Variants in PHACTR2 observed in about 807,000 individuals in gnomAD.
PHACTR2 encodes phosphatase and actin regulator 2.
A neutral mutation model predicts 76.0 loss-of-function variants in PHACTR2; 30 were observed. The ratio of observed to expected loss-of-function variants is 0.39; its 90% CI spans 0.30 to 0.54. The LOEUF (loss-of-function observed/expected upper bound fraction) is 0.54. PHACTR2 is among the 20% of genes least tolerant of loss of function. PHACTR2 has a pLI of 0.61. For missense variants in PHACTR2, 696 were observed against 781.1 expected (o/e 0.89, Z 1.30); for synonymous variants, 292 against 292.5 (o/e 1.00, Z 0.02).
chr6:143,814,664 G>T (rs998935662), intron 12 of PHACTR2, among the ~76,000 whole-genome samples: 13 of 138,648 alleles, frequency 9.4e-5, no homozygotes, highest in Non-Finnish European at 2.1e-4. Context: ...GTGCAGTGGC[G>T]CCATCTCTGC....
intron 2 of PHACTR2, among the ~76,000 whole-genome samples, chr6:143,732,275 C>T (rs539178193): frequency 1.3e-5 from 2 of 152,204 alleles, no homozygotes; most frequent in Non-Finnish European, 2.9e-5. Context: ...AAATCCCATA[C>T]TCATTAGCAG....
Position 143,617,065 on chromosome 6 carries a change from G to A in PHACTR2, c.13+8743G>A, listed in dbSNP as rs546044890. Reference sequence around the variant, plus strand: ...TTGAAGGGTTTTACGAGACTGGGAAGAATGGACTGGAAAGAAGTAAGAGTG... The same window carrying A: ...TTGAAGGGTTTTACGAGACTGGGAAAAATGGACTGGAAAGAAGTAAGAGTG... On this transcript the variant is annotated intron_variant, in intron 1 of 11. Coordinates refer to the PHACTR2 transcript ENST00000305766. The surrounding 1 kb of genome is among the most constrained non-coding windows in gnomAD (Gnocchi z 4.8). Among the ~76,000 whole-genome samples the A allele has an allele frequency of 6.6e-6, 1 of 152,320 alleles. No homozygotes were observed. Among genetic ancestry groups the A allele is most frequent in the South Asian group, 2.1e-4 (1 of 4,830 alleles).
chr6:143,807,233 G>T lies in PHACTR2; in HGVS notation c.1922+100G>T. Reference sequence around the variant, plus strand: ...AATTGCTTACAATGGTAAATTTTATGATAGGTATATTTCATCACAATTAAA... The same window carrying T: ...AATTGCTTACAATGGTAAATTTTATTATAGGTATATTTCATCACAATTAAA... On this transcript the variant is annotated intron_variant, in intron 12 of 12. Coordinates refer to ENST00000440869, the MANE Select transcript of PHACTR2 (RefSeq NM_001100164.2). The surrounding 1 kb of genome is among the most constrained non-coding windows in gnomAD (Gnocchi z 5.5). The T allele has an allele frequency of 1.4e-6, 1 of 699,016 alleles. No homozygotes were observed. The highest frequency in any genetic ancestry group is 1.8e-5 in the African/African-American group (1 of 55,542). 43.3% of individuals were successfully genotyped at this position (699,016 alleles called of 1,614,324 possible). A position where few individuals can be genotyped will look rare whatever the true frequency, so the allele number is the denominator to read the frequency against.
In PHACTR2 at chr6:143,556,287, T is replaced by C. The variant is rs1403437749; in HGVS notation, c.217+19080T>C. The stretch of plus-strand genomic sequence containing the variant: ...TTATTTATTTCAGGACATTAAGGTA[T>C]GGACTTTAGGTGTGGGGCATCTCCA... On this transcript the variant is annotated intron_variant, in intron 1 of 11. Transcript: ENST00000367584. The surrounding 1 kb of genome is among the most constrained non-coding windows in gnomAD (Gnocchi z 4.3). Among the ~76,000 whole-genome samples the C allele has an allele frequency of 1.3e-5, 2 of 152,266 alleles. No individual in the cohort carries two copies. Among genetic ancestry groups the C allele is most frequent in the Admixed American group, 6.5e-5 (1 of 15,292 alleles).
At position 143,696,530 on chromosome 6, in the gene PHACTR2, C is replaced by T. The variant is rs1179609574; in HGVS notation, c.47-15486C>T. Among the ~76,000 whole-genome samples, 1 of 152,150 alleles carries T rather than the reference C, an allele frequency of 6.6e-6. No homozygotes were observed. Among genetic ancestry groups the T allele is most frequent in the Non-Finnish European group, 1.5e-5 (1 of 68,032 alleles). On this transcript the variant is annotated intron_variant, in intron 1 of 12. Coordinates refer to ENST00000440869, the MANE Select transcript of PHACTR2 (RefSeq NM_001100164.2). This position sits in a 1 kb window ranked among gnomAD's most constrained non-coding sequence, Gnocchi z 4.1. ...ACCCAAATCATGAATTGTATTACCC[C>T]ATTCTACAGATGAGGAAGGGACTCT... is the stretch of plus-strand genomic sequence containing the variant.
At position 143,760,212 on chromosome 6, in the gene PHACTR2, G is replaced by A. The variant is rs145731406; in HGVS notation, c.455-189G>A. On this transcript the variant is annotated intron_variant, in intron 4 of 12. Transcript: ENST00000440869. The surrounding 1 kb of genome is among the most constrained non-coding windows in gnomAD (Gnocchi z 6.4). Reference sequence around the variant, plus strand: ...TTAAAGGGTGATTCGTGTACCCTGAGAACACTTCTCAGTTTGTCTTTCAGC... The same window carrying A: ...TTAAAGGGTGATTCGTGTACCCTGAAAACACTTCTCAGTTTGTCTTTCAGC... Among the ~76,000 whole-genome samples, 878 of 152,220 alleles carry A rather than the reference G, an allele frequency of 5.8e-3. 10 individuals carry two copies. The highest frequency in any genetic ancestry group is 0.02 in the African/African-American group (839 of 41,516).
rs1422635760 is a variant in PHACTR2, at chr6:143,578,744, T to C, written c.217+41537T>C. Among the ~76,000 whole-genome samples the C allele has an allele frequency of 6.6e-6, 1 of 151,488 alleles. No homozygotes were observed. Among genetic ancestry groups the C allele is most frequent in the Admixed American group, 6.6e-5 (1 of 15,194 alleles). On this transcript the variant is annotated intron_variant, in intron 1 of 11. Transcript: ENST00000367584. This position sits in a 1 kb window ranked among gnomAD's most constrained non-coding sequence, Gnocchi z 4.5. Reference sequence around the variant, plus strand: ...ATGGAGAGGTAGATGATGAAGAAGATGAAGAAGACCTTGGTGAAGAAGAAA... The same window carrying C: ...ATGGAGAGGTAGATGATGAAGAAGACGAAGAAGACCTTGGTGAAGAAGAAA...
intron 1 of PHACTR2, among the ~76,000 whole-genome samples, chr6:143,690,194 C>T (rs551274658): frequency 6.6e-6 from 1 of 152,180 alleles, no homozygotes; most frequent in African/African-American, 2.4e-5. Flanking sequence ...ATGTATTTAA[C>T]GAATCGCTTC....
rs1018166357 is a variant in PHACTR2, at chr6:143,801,449, A to G, written c.1846-5608A>G. On this transcript the variant is annotated intron_variant, in intron 11 of 12. Coordinates refer to ENST00000440869, the MANE Select transcript of PHACTR2 (RefSeq NM_001100164.2). The surrounding 1 kb of genome is among the most constrained non-coding windows in gnomAD (Gnocchi z 4.6). ...CTTCTCACTTTATTTCATTAATTTG[A>G]TCTTCAATCACTGATATACTTTCTT... Among the ~76,000 whole-genome samples the G allele has an allele frequency of 6.6e-6, 1 of 152,012 alleles. No individual in the cohort carries two copies. Among genetic ancestry groups the G allele is most frequent in the Non-Finnish European group, 1.5e-5 (1 of 68,006 alleles).
rs1562298132 is a variant in PHACTR2, at chr6:143,765,237, T to A, written c.695-24T>A. On this transcript the variant is annotated intron_variant, in intron 5 of 12. Transcript: ENST00000440869. This position sits in a 1 kb window ranked among gnomAD's most constrained non-coding sequence, Gnocchi z 4.1. Reference sequence around the variant, plus strand: ...AAAAGCATTGTATTCTTTGATTTTTTAATGCAAGGTCTCTCTATTGTAGCT... The same window carrying A: ...AAAAGCATTGTATTCTTTGATTTTTAAATGCAAGGTCTCTCTATTGTAGCT... 2 of 1,560,906 alleles carry A rather than the reference T, an allele frequency of 1.3e-6. No homozygotes were observed. Among genetic ancestry groups the A allele is most frequent in the Non-Finnish European group, 1.7e-6 (2 of 1,151,820 alleles).
chr6:143,808,371 C>T (rs567434268), intron 12 of PHACTR2, among the ~76,000 whole-genome samples: 126 of 152,026 alleles, frequency 8.3e-4, no homozygotes, highest in Non-Finnish European at 1.6e-3. Flanking sequence ...TAGAGTGATC[C>T]GCCCACCTCA....
At chr6:143,714,296 T>G (rs761326258) in intron 2 of PHACTR2, among the ~76,000 whole-genome samples, 1 of 152,216 alleles carries the variant, frequency 6.6e-6, no homozygotes, top group Non-Finnish European at 1.5e-5. Flanking sequence ...CTTAAACTCC[T>G]GGGTTGGTAT....
At chr6:143,725,070 T>C (rs1400555657) in intron 2 of PHACTR2, among the ~76,000 whole-genome samples, 1 of 152,172 alleles carries the variant, frequency 6.6e-6, no homozygotes, top group Admixed American at 6.5e-5. Context: ...TTCCTCTTTG[T>C]TTTATATGTG....
rs1402620515 is a variant in PHACTR2 at position 143,554,475 on chromosome 6, GC to G, written c.217+17269del. ...TTATAGCCAAGGAGCAGTGTATCTT[GC>G]TCCTTGGCTATAAATTACAAGTGGG... On this transcript the variant is annotated intron_variant, in intron 1 of 11. Coordinates refer to the PHACTR2 transcript ENST00000367584. The surrounding 1 kb of genome is among the most constrained non-coding windows in gnomAD (Gnocchi z 5.9). 6.6e-6 allele frequency: 1 copy of G among 152,082 alleles called. No individual in the cohort carries two copies. The highest frequency in any genetic ancestry group is 1.5e-5 in the Non-Finnish European group (1 of 68,008). 9.4% of individuals were successfully genotyped at this position (152,082 alleles called of 1,614,324 possible). A position where few individuals can be genotyped will look rare whatever the true frequency, so the allele number is the denominator to read the frequency against.
At chr6:143,727,633 T>C (rs889378471) in intron 2 of PHACTR2, among the ~76,000 whole-genome samples, 1 of 152,248 alleles carries the variant, frequency 6.6e-6, no homozygotes, top group African/African-American at 2.4e-5. Context: ...TGTCATTTTT[T>C]GTCTTTTTGA....
chr6:143,608,122 C>G, upstream of PHACTR2: 1 of 642,394 alleles, frequency 1.6e-6, no homozygotes, highest in Non-Finnish European at 2.8e-6. The surrounding 1 kb of genome is among the most constrained non-coding windows in gnomAD (Gnocchi z 4.6). Flanking sequence ...TGTAATGGAG[C>G]TAATGGCTGT....
Position 143,599,095 on chromosome 6 carries a change from G to C in PHACTR2, c.217+61888G>C, listed in dbSNP as rs1775785887. 6.6e-6 allele frequency among the ~76,000 whole-genome samples: 1 copy of C among 152,134 alleles called. No homozygotes were observed. The highest frequency in any genetic ancestry group is 1.5e-5 in the Non-Finnish European group (1 of 68,026). On this transcript the variant is annotated intron_variant, in intron 1 of 11. Transcript: ENST00000367584. This position sits in a 1 kb window ranked among gnomAD's most constrained non-coding sequence, Gnocchi z 4.6. ...TCTGGGTACTCAGCGCTTTGCTCTA[G>C]GTGTCCTAAGCTGATCTGAAAAATT...
At position 143,548,697 on chromosome 6, in the gene PHACTR2, C is replaced by G. The variant is rs1775043897; in HGVS notation, c.217+11490C>G. On this transcript the variant is annotated intron_variant, in intron 1 of 11. Coordinates refer to the PHACTR2 transcript ENST00000367584. This position sits in a 1 kb window ranked among gnomAD's most constrained non-coding sequence, Gnocchi z 4.5. ...AACACAACAAAAGCATTCATTACCT[C>G]CTTGTACCTGGGGCCCGGGGAGGTA... Among the ~76,000 whole-genome samples, 1 of 152,034 alleles carries G rather than the reference C, an allele frequency of 6.6e-6. No individual in the cohort carries two copies. Among genetic ancestry groups the G allele is most frequent in the Non-Finnish European group, 1.5e-5 (1 of 67,958 alleles).
At position 143,823,284 on chromosome 6, in the gene PHACTR2, A is replaced by G. The variant is rs2179951; in HGVS notation, c.1923-390A>G. ...GCTAATGAAAAAGTGTCTATTTGTT[A>G]CTGTGCTTTTATAATACAGACGAGG... is the stretch of plus-strand genomic sequence containing the variant. On this transcript the variant is annotated intron_variant, in intron 12 of 12. Transcript: ENST00000440869. The surrounding 1 kb of genome is among the most constrained non-coding windows in gnomAD (Gnocchi z 5.7). 0.31 allele frequency among the ~76,000 whole-genome samples: 47,870 copies of G among 152,002 alleles called. 8,043 individuals carry two copies. Among genetic ancestry groups the G allele is most frequent in the East Asian group, 0.45 (2,309 of 5,160 alleles).
Sources: allele counts gnomAD v4.1 joint callset (sites outside exome capture counted in the v4.1 genomes callset), GRCh38; gene constraint gnomAD v4.1.1; non-coding constraint Gnocchi (gnomAD v3.1); transcripts MANE v1.5; gene names NCBI Gene and HGNC (gene_info 2026-07-23, HGNC 2026-07-21).